Variants in ZMAT4 observed in about 807,000 individuals in gnomAD.
ZMAT4 encodes the protein zinc finger matrin-type 4.
A neutral mutation model predicts 28.7 loss-of-function variants in ZMAT4; 17 were observed. The observed-to-expected ratio is 0.59, with a 90% CI of 0.41 to 0.89. The LOEUF is 0.89. ZMAT4 is among the 40% of genes least tolerant of loss of function. The pLI, the probability that ZMAT4 is intolerant of heterozygous loss-of-function variation, is 0.00. For missense variants in ZMAT4, 240 were observed against 283.8 expected, an observed-to-expected ratio of 0.85 and a Z score of 1.11; for synonymous variants, 117 against 109.2, an observed-to-expected ratio of 1.07 and a Z score of -0.44.
chr8:40,787,144 C>T (rs1197921221), intron 2 of ZMAT4, among the ~76,000 whole-genome samples: 1 of 152,134 alleles, frequency 6.6e-6, no homozygotes. Context: ...AATGCCATCC[C>T]AAATTTACAG....
chr8:40,746,779 C>G lies in ZMAT4; in HGVS notation c.192+20862G>C, dbSNP rs930594429. On this transcript the variant is annotated intron_variant, in intron 3 of 6. Coordinates refer to ENST00000297737, the MANE Select transcript of ZMAT4 (RefSeq NM_024645.3). Reference sequence around the variant, plus strand: ...CTCCTACCATATTGGTCATGCTAGCCTTTTCTATGACGACATCCTGCTTTG... The same window carrying G: ...CTCCTACCATATTGGTCATGCTAGCGTTTTCTATGACGACATCCTGCTTTG... Among the ~76,000 whole-genome samples the G allele has an allele frequency of 2.0e-5, 3 of 152,296 alleles. No individual in the cohort carries two copies. In the East Asian group the frequency reaches 5.8e-4, roughly 29 times the overall value.
At chr8:40,722,304 G>A (rs1811136072) in intron 3 of ZMAT4, among the ~76,000 whole-genome samples, 1 of 152,190 alleles carries the variant, frequency 6.6e-6, no homozygotes, top group Non-Finnish European at 1.5e-5. Flanking sequence ...TAAGCTTTAA[G>A]GTGACACTGA....
At position 40,873,580 on chromosome 8, in the gene ZMAT4, C is replaced by T. The variant is rs1817937339; in HGVS notation, c.-5+24103G>A. 2.6e-5 allele frequency among the ~76,000 whole-genome samples: 4 copies of T among 152,144 alleles called. No homozygotes were observed. In the South Asian group the frequency reaches 6.2e-4, roughly 24 times the overall value. On this transcript the variant is annotated intron_variant, in intron 1 of 6. Transcript: ENST00000297737. ...TTACTAGGCAAGATGGCTTCTCCTT[C>T]AAGAGGTTGATTCCTCAGTCTACCC...
chr8:40,764,975 G>C (rs1304322978), intron 3 of ZMAT4, among the ~76,000 whole-genome samples: 1 of 151,310 alleles, frequency 6.6e-6, no homozygotes, highest in Non-Finnish European at 1.5e-5. Flanking sequence ...GGGTCTATAG[G>C]TATGTACCAC....
intron 1 of ZMAT4, among the ~76,000 whole-genome samples, chr8:40,840,441 G>A (rs1356865692): frequency 6.6e-6 from 1 of 152,066 alleles, no homozygotes; most frequent in Non-Finnish European, 1.5e-5. Flanking sequence ...TCCCTCCCAA[G>A]AGCCACCCGG....
At chr8:40,634,929 A>C (rs752089003) in intron 5 of ZMAT4, among the ~76,000 whole-genome samples, 11 of 152,170 alleles carry the variant, frequency 7.2e-5, no homozygotes, top group Admixed American at 2.0e-4. Flanking sequence ...CTTGCACTTC[A>C]TTTGCAGTAT....
At chr8:40,785,623 A>C (rs34993681) in intron 2 of ZMAT4, among the ~76,000 whole-genome samples, 24,616 of 152,170 alleles carry the variant, frequency 0.16, 2,557 homozygotes, top group Middle Eastern at 0.24. Context: ...TTGACAATCT[A>C]ATTTTGATTC....
chr8:40,665,446 A>C (rs1808371642), intron 5 of ZMAT4, among the ~76,000 whole-genome samples: 1 of 152,162 alleles, frequency 6.6e-6, no homozygotes, highest in African/African-American at 2.4e-5. Context: ...CCTCTCCAGC[A>C]GTATGTCTTC....
At chr8:40,545,318 A>T (rs1247861330) in intron 6 of ZMAT4, among the ~76,000 whole-genome samples, 1 of 152,136 alleles carries the variant, frequency 6.6e-6, no homozygotes, top group Non-Finnish European at 1.5e-5. Flanking sequence ...CTGGACCCAT[A>T]GGAACTGTGA....
intron 1 of ZMAT4, among the ~76,000 whole-genome samples, chr8:40,854,128 C>A (rs997746605): frequency 6.6e-6 from 1 of 152,078 alleles, no homozygotes; most frequent in Non-Finnish European, 1.5e-5. Flanking sequence ...CCCCCATGAC[C>A]CAAACACTTC....
chr8:40,623,542 T>C (rs937440231), intron 5 of ZMAT4, among the ~76,000 whole-genome samples: 3 of 152,190 alleles, frequency 2.0e-5, no homozygotes, highest in Admixed American at 6.5e-5. Context: ...TCACCTTAGT[T>C]GGGCCTGCTT....
At chr8:40,610,791 C>T (rs554982098) in intron 5 of ZMAT4, among the ~76,000 whole-genome samples, 12 of 150,978 alleles carry the variant, frequency 7.9e-5, no homozygotes, top group Non-Finnish European at 1.3e-4. Context: ...TCTTTGATTC[C>T]GATGTGCTCT....
intron 1 of ZMAT4, among the ~76,000 whole-genome samples, chr8:40,847,442 G>C (rs541580814): frequency 6.6e-6 from 1 of 152,346 alleles, no homozygotes; most frequent in Non-Finnish European, 1.5e-5. Context: ...TGCAACTCAA[G>C]AGTGGAGAAG....
intron 5 of ZMAT4, among the ~76,000 whole-genome samples, chr8:40,638,525 C>G (rs1283804899): frequency 6.6e-6 from 1 of 152,238 alleles, no homozygotes; most frequent in East Asian, 1.9e-4. Flanking sequence ...TTATCAGACT[C>G]TGAGACTATC....
In ZMAT4 at chr8:40,738,240, A is replaced by G. The variant is rs186142805; in HGVS notation, c.192+29401T>C. On this transcript the variant is annotated intron_variant, in intron 3 of 6. Transcript: ENST00000297737. ...GAGTTGGATTGCAGTGGAGACAAAG[A>G]GAATTCATGCATTATTAAGAAACAA... Among the ~76,000 whole-genome samples, 773 of 152,288 alleles carry G rather than the reference A, an allele frequency of 5.1e-3. 6 individuals carry two copies. Among genetic ancestry groups the G allele is most frequent in the African/African-American group, 0.018 (732 of 41,566 alleles).
intron 6 of ZMAT4, among the ~76,000 whole-genome samples, chr8:40,579,048 A>G (rs1195560634): frequency 6.6e-6 from 1 of 152,200 alleles, no homozygotes; most frequent in African/African-American, 2.4e-5. Context: ...CATGTAAGAT[A>G]ACAGGTCAAT....
intron 5 of ZMAT4, among the ~76,000 whole-genome samples, chr8:40,666,359 C>T (rs1241808910): frequency 3.9e-5 from 6 of 152,056 alleles, no homozygotes; most frequent in South Asian, 2.1e-4. Context: ...ACAAATAACA[C>T]TAGAGTTGAG....
intron 1 of ZMAT4, among the ~76,000 whole-genome samples, chr8:40,891,038 A>G (rs1818650239): frequency 6.6e-6 from 1 of 151,164 alleles, no homozygotes; most frequent in Admixed American, 6.6e-5. Context: ...TGCGGCATCA[A>G]AATCGAGGGC....
intron 6 of ZMAT4, among the ~76,000 whole-genome samples, chr8:40,533,141 T>C (rs1802747015): frequency 6.6e-6 from 1 of 152,190 alleles, no homozygotes; most frequent in African/African-American, 2.4e-5. Flanking sequence ...GAATTTTACA[T>C]TTACTTTACA....
Sources: allele counts gnomAD v4.1 joint callset (sites outside exome capture counted in the v4.1 genomes callset), GRCh38; gene constraint gnomAD v4.1.1; transcripts MANE v1.5; gene names NCBI Gene and HGNC (gene_info 2026-07-23, HGNC 2026-07-21).